The following NME7 variants were observed in gnomAD, a reference collection of about 807,000 sequenced individuals.
NME7 encodes NME/NM23 family member 7, also known as nucleoside diphosphate kinase 7.
NME7 carries 41 observed loss-of-function variants against 49.1 expected under a neutral mutation model. The ratio of observed to expected loss-of-function variants is 0.83; its 90% CI spans 0.65 to 1.08. NME7 has a LOEUF of 1.08. NME7 is among the 50% of genes least tolerant of loss of function. NME7 has a pLI of 0.00. For synonymous variants in NME7, 139 were observed against 150.6 expected (o/e 0.92, Z 0.56); for missense variants, 423 against 463.4 (o/e 0.91, Z 0.80).
In NME7 at chr1:169,342,758, A is replaced by G. The variant is rs1254625796; in HGVS notation, c.4-18258T>C. Among the ~76,000 whole-genome samples, 11 of 46,156 alleles carry G rather than the reference A, an allele frequency of 2.4e-4. 2 individuals are homozygous for G. Among genetic ancestry groups the G allele is most frequent in the Non-Finnish European group, 3.0e-4 (9 of 29,802 alleles). The allele number at this position is 46,156 out of a possible 152,430, so 30.3% of individuals were successfully genotyped here. On this transcript the variant is annotated intron_variant, in intron 1 of 11. Coordinates refer to ENST00000367811, the MANE Select transcript of NME7 (RefSeq NM_013330.5). Reference sequence around the variant, plus strand: ...ATATATACAAGTACATATATATAGTATATATATATACAAGTACATATATAT... The same window carrying G: ...ATATATACAAGTACATATATATAGTGTATATATATACAAGTACATATATAT...
intron 1 of NME7, among the ~76,000 whole-genome samples, chr1:169,360,688 T>C (rs1484720456): frequency 1.3e-5 from 2 of 152,202 alleles, no homozygotes; most frequent in African/African-American, 2.4e-5. Flanking sequence ...CTGCTTTCTA[T>C]CATTGACATC....
At chr1:169,285,187 G>A (rs1477402933) in intron 7 of NME7, 4 of 151,942 alleles carry the variant, frequency 2.6e-5, no homozygotes, top group African/African-American at 4.8e-5. Flanking sequence ...CGTATTTGTG[G>A]AGCATACCCA....
intron 10 of NME7, among the ~76,000 whole-genome samples, chr1:169,220,407 G>A (rs1661106345): frequency 6.6e-6 from 1 of 152,124 alleles, no homozygotes; most frequent in South Asian, 2.1e-4. Context: ...TCCTGGGATT[G>A]GGGGATTTCT....
intron 10 of NME7, among the ~76,000 whole-genome samples, chr1:169,198,845 T>C (rs1176477657): frequency 1.3e-5 from 2 of 152,152 alleles, no homozygotes; most frequent in African/African-American, 2.4e-5. Context: ...GTATGTGAAT[T>C]ACACCTCAAT....
intron 11 of NME7, among the ~76,000 whole-genome samples, chr1:169,159,943 AG>A (rs1453433955): frequency 6.6e-6 from 1 of 152,112 alleles, no homozygotes; most frequent in Admixed American, 6.5e-5. Flanking sequence ...CCATGATCCT[AG>A]GTGATTTCAA....
chr1:169,266,173 C>T lies in NME7; in HGVS notation c.754+21130G>A, dbSNP rs1361142564. Among the ~76,000 whole-genome samples the T allele has an allele frequency of 1.5e-5, 2 of 132,838 alleles. 1 individual carries two copies. Among genetic ancestry groups the T allele is most frequent in the Non-Finnish European group, 3.5e-5 (2 of 56,546 alleles). The allele number at this position is 132,838 out of a possible 152,430, so 87.1% of individuals were successfully genotyped here. On this transcript the variant is annotated intron_variant, in intron 7 of 11. Coordinates refer to ENST00000367811, the MANE Select transcript of NME7 (RefSeq NM_013330.5). ...GAGACACAACAAAAAAAGAAAACTT[C>T]AGGCCAATGTCCTTGATGTACATCT...
At chr1:169,218,405 G>T (rs1661036381) in intron 10 of NME7, among the ~76,000 whole-genome samples, 1 of 151,976 alleles carries the variant, frequency 6.6e-6, no homozygotes, top group African/African-American at 2.4e-5. Context: ...GGGCAACATG[G>T]TGGTACCTCC....
chr1:169,309,966 T>A lies in NME7; in HGVS notation c.389+4A>T, dbSNP rs1651321052. On this transcript the variant is annotated splice_donor_region_variant and intron_variant, in intron 4 of 11. Coordinates refer to ENST00000367811, the MANE Select transcript of NME7 (RefSeq NM_013330.5). Reference sequence around the variant, plus strand: ...TACATAACTGAAAATGATAAAAAAATTACCTTGAAAGCATCATCATTTTGA... The same window carrying A: ...TACATAACTGAAAATGATAAAAAAAATACCTTGAAAGCATCATCATTTTGA... 2.1e-6 allele frequency: 3 copies of A among 1,428,984 alleles called. No homozygotes were observed. The highest frequency in any genetic ancestry group is 2.9e-6 in the Non-Finnish European group (3 of 1,031,218). The allele number at this position is 1,428,984 out of a possible 1,614,324, so 88.5% of individuals were successfully genotyped here. A position where few individuals can be genotyped will look rare whatever the true frequency, so the allele number is the denominator to read the frequency against.
intron 1 of NME7, among the ~76,000 whole-genome samples, chr1:169,365,733 A>G (rs549851033): frequency 6.6e-6 from 1 of 152,302 alleles, no homozygotes; most frequent in East Asian, 1.9e-4. Flanking sequence ...TTCTTGTGGC[A>G]GAGAAAATAA....
chr1:169,351,622 G>C (rs1209549554), intron 1 of NME7, among the ~76,000 whole-genome samples: 1 of 150,778 alleles, frequency 6.6e-6, no homozygotes, highest in African/African-American at 2.4e-5. Flanking sequence ...AAATACAAAA[G>C]ATCAATGAAA....
chr1:169,271,776 TA>T (rs1387107179), intron 7 of NME7, among the ~76,000 whole-genome samples: 1 of 132,308 alleles, frequency 7.6e-6, no homozygotes, highest in African/African-American at 2.6e-5. Context: ...AAAATAAAAA[TA>T]AAAATCTTTC....
chr1:169,164,424 A>G (rs1406493477), intron 11 of NME7, among the ~76,000 whole-genome samples: 1 of 152,188 alleles, frequency 6.6e-6, no homozygotes, highest in African/African-American at 2.4e-5. Flanking sequence ...AATAATAATA[A>G]TAACTACTAT....
intron 10 of NME7, among the ~76,000 whole-genome samples, chr1:169,191,168 A>C (rs1266439021): frequency 6.6e-6 from 1 of 152,154 alleles, no homozygotes; most frequent in East Asian, 1.9e-4. Flanking sequence ...CTATTTAGAC[A>C]CTTCAGTGTT....
intron 4 of NME7, among the ~76,000 whole-genome samples, chr1:169,308,202 A>G (rs1651253401): frequency 6.6e-6 from 1 of 152,038 alleles, no homozygotes; most frequent in Non-Finnish European, 1.5e-5. Flanking sequence ...TAAGGGAAAA[A>G]TTCCAATTAA....
intron 4 of NME7, among the ~76,000 whole-genome samples, chr1:169,306,173 G>C (rs1191951141): frequency 6.6e-6 from 1 of 152,160 alleles, no homozygotes; most frequent in Non-Finnish European, 1.5e-5. Context: ...AGCTATTACA[G>C]TAGGTGAGTA....
intron 11 of NME7, among the ~76,000 whole-genome samples, chr1:169,136,219 G>A (rs1316802467): frequency 6.6e-6 from 1 of 152,172 alleles, no homozygotes; most frequent in East Asian, 1.9e-4. Flanking sequence ...CTTTCCTTTT[G>A]ATAAGGAGCA....
At chr1:169,139,019 C>T (rs1167652600) in intron 11 of NME7, among the ~76,000 whole-genome samples, 1 of 152,180 alleles carries the variant, frequency 6.6e-6, no homozygotes, top group Non-Finnish European at 1.5e-5. Flanking sequence ...GGTATCTCCC[C>T]AGTCTCTCAA....
intron 11 of NME7, among the ~76,000 whole-genome samples, chr1:169,161,127 A>C (rs953039600): frequency 6.6e-6 from 1 of 152,124 alleles, no homozygotes; most frequent in Non-Finnish European, 1.5e-5. Context: ...TGGATCCCTA[A>C]TGGCCTCAAG....
Position 169,298,587 on chromosome 1 carries a change from T to C in NME7, c.617A>G (p.His206Arg). The change falls in exon 6 of 12, where the codon CAT becomes CGT. Residue 206 changes from histidine to arginine, a missense_variant. His to Arg is a conservative substitution (Grantham distance 29). Transcript: ENST00000367811. ...FGTDGIRNAAHGPDSFASAAR... is the reference protein window; with the variant it reads ...FGTDGIRNAARGPDSFASAAR... ...CGCAGAAGCAAAAGAATCAGGGCCA[T>C]GCGCTGCATTTCTTATGCCATCTGT... The C allele has an allele frequency of 6.2e-7, 1 of 1,613,940 alleles. No individual in the cohort carries two copies. Among genetic ancestry groups the C allele is most frequent in the Non-Finnish European group, 8.5e-7 (1 of 1,179,878 alleles).
Sources: allele counts gnomAD v4.1 joint callset (sites outside exome capture counted in the v4.1 genomes callset), GRCh38; gene constraint gnomAD v4.1.1; transcripts MANE v1.5; gene names NCBI Gene and HGNC (gene_info 2026-07-23, HGNC 2026-07-21).